CACNA2D1: variants seen among roughly 807,000 people sequenced by gnomAD.
The protein encoded by CACNA2D1 is calcium voltage-gated channel auxiliary subunit alpha2delta 1, also known as voltage-dependent calcium channel subunit alpha-2/delta-1.
Under a neutral mutation model 171.5 loss-of-function variants are expected in CACNA2D1, and 53 were observed. That is an observed-to-expected ratio of 0.31 (90% CI 0.25 to 0.39). CACNA2D1 has a LOEUF of 0.39. CACNA2D1 is among the 10% of genes least tolerant of loss of function. The pLI, the probability that CACNA2D1 is intolerant of heterozygous loss-of-function variation, is 1.00. For synonymous variants in CACNA2D1, 442 were observed against 443.1 expected, an observed-to-expected ratio of 1.00 and a Z score of 0.03; for missense variants, 903 against 1,299.8, an observed-to-expected ratio of 0.69 and a Z score of 4.69.
intron 3 of CACNA2D1, among the ~76,000 whole-genome samples, chr7:82,248,949 C>G (rs1001199007): frequency 6.6e-6 from 1 of 151,926 alleles, no homozygotes; most frequent in African/African-American, 2.4e-5. Flanking sequence ...AACCCTGTCT[C>G]TACTAAAAAT....
chr7:82,105,828 C>T (rs961490218), intron 6 of CACNA2D1, among the ~76,000 whole-genome samples: 4 of 152,082 alleles, frequency 2.6e-5, no homozygotes, highest in African/African-American at 4.8e-5. Flanking sequence ...GTGTCCATGA[C>T]GCCTACATGA....
chr7:82,314,851 G>A (rs1814913672), intron 3 of CACNA2D1, among the ~76,000 whole-genome samples: 1 of 151,972 alleles, frequency 6.6e-6, no homozygotes, highest in Non-Finnish European at 1.5e-5. Context: ...AAGCAGATAT[G>A]ACTGCTGTTA....
chr7:82,336,797 A>T (rs1162107018), intron 2 of CACNA2D1, among the ~76,000 whole-genome samples: 6 of 152,326 alleles, frequency 3.9e-5, no homozygotes, highest in Non-Finnish European at 7.4e-5. Flanking sequence ...TTGATCCAGG[A>T]TATGTAGTTC....
chr7:82,321,417 T>C (rs1275354031), intron 3 of CACNA2D1, among the ~76,000 whole-genome samples: 1 of 151,536 alleles, frequency 6.6e-6, no homozygotes, highest in African/African-American at 2.4e-5. Flanking sequence ...AATAAAATAA[T>C]AAAATAAAAT....
intron 4 of CACNA2D1, among the ~76,000 whole-genome samples, chr7:82,146,017 T>A (rs1217718907): frequency 6.6e-6 from 1 of 152,070 alleles, no homozygotes; most frequent in Admixed American, 6.6e-5. Flanking sequence ...TTAGTCTGCT[T>A]ATTTTTTCAG....
At chr7:81,981,690 T>A (rs1044074912) in intron 24 of CACNA2D1, among the ~76,000 whole-genome samples, 2 of 151,946 alleles carry the variant, frequency 1.3e-5, no homozygotes, top group African/African-American at 4.8e-5. Flanking sequence ...AGTCAAAAAC[T>A]GAGGAAAGAA....
intron 5 of CACNA2D1, among the ~76,000 whole-genome samples, chr7:82,118,019 T>C (rs564263847): frequency 6.6e-6 from 1 of 152,278 alleles, no homozygotes; most frequent in South Asian, 2.1e-4. Context: ...GTTTTTCAGG[T>C]ATATCAATTT....
chr7:82,274,727 C>T (rs1332611416), intron 3 of CACNA2D1, among the ~76,000 whole-genome samples: 1 of 152,136 alleles, frequency 6.6e-6, no homozygotes, highest in Non-Finnish European at 1.5e-5. Flanking sequence ...CACTTCCACA[C>T]TCAAAAGAAC....
At chr7:82,414,660 G>A (rs572116740) in intron 1 of CACNA2D1, among the ~76,000 whole-genome samples, 3 of 152,304 alleles carry the variant, frequency 2.0e-5, no homozygotes, top group African/African-American at 7.2e-5. Context: ...CAGGCTACAA[G>A]TGATTCTGAT....
At chr7:82,301,107 CT>C (rs1368372790) in intron 3 of CACNA2D1, among the ~76,000 whole-genome samples, 2 of 152,082 alleles carry the variant, frequency 1.3e-5, no homozygotes, top group East Asian at 1.9e-4. Flanking sequence ...GGTTTGCTAT[CT>C]TTTTTTAATT....
chr7:82,413,281 C>T (rs113016120), intron 1 of CACNA2D1, among the ~76,000 whole-genome samples: 7 of 152,152 alleles, frequency 4.6e-5, no homozygotes, highest in African/African-American at 1.7e-4. Context: ...TAATATTTAA[C>T]ATTTACCCAA....
intron 3 of CACNA2D1, among the ~76,000 whole-genome samples, chr7:82,256,372 T>C (rs1463229351): frequency 1.3e-5 from 2 of 152,176 alleles, no homozygotes; most frequent in African/African-American, 4.8e-5. Context: ...GTGGAATGAT[T>C]CCATTCAAGC....
chr7:82,177,348 A>C (rs1032494808), intron 3 of CACNA2D1, among the ~76,000 whole-genome samples: 1 of 152,048 alleles, frequency 6.6e-6, no homozygotes, highest in Non-Finnish European at 1.5e-5. Context: ...TATTTTTAAA[A>C]AATATGTAAA....
At chr7:81,973,122 G>A (rs551983325) in intron 25 of CACNA2D1, among the ~76,000 whole-genome samples, 1 of 151,940 alleles carries the variant, frequency 6.6e-6, no homozygotes, top group East Asian at 1.9e-4. Context: ...AAACATTTCT[G>A]ATAAACTCAT....
chr7:82,305,226 T>C (rs890087522), intron 3 of CACNA2D1, among the ~76,000 whole-genome samples: 7 of 152,162 alleles, frequency 4.6e-5, no homozygotes, highest in African/African-American at 1.7e-4. Context: ...TTCACAGGCA[T>C]ACAAAGTATT....
chr7:81,970,629 A>T (rs1224109886), intron 27 of CACNA2D1, 46 bp downstream of exon 27: 1 of 990,464 alleles, frequency 1.0e-6, no homozygotes. Context: ...TCCTTGGCGC[A>T]GTCTTTTGTA....
intron 37 of CACNA2D1, 80 bp from the exon 38 acceptor site, chr7:81,959,437 A>G (rs1793834018): frequency 1.0e-6 from 1 of 986,230 alleles, no homozygotes; most frequent in African/African-American, 1.6e-5. Context: ...GTATTTCCCA[A>G]AACATGTGAG....
At chr7:82,015,441 T>A (rs1411453221) in intron 12 of CACNA2D1, among the ~76,000 whole-genome samples, 1 of 152,186 alleles carries the variant, frequency 6.6e-6, no homozygotes, top group Non-Finnish European at 1.5e-5. Context: ...TGCAAATATT[T>A]TAAAATCAAT....
intron 3 of CACNA2D1, among the ~76,000 whole-genome samples, chr7:82,326,568 T>C (rs1816676857): frequency 6.6e-6 from 1 of 152,190 alleles, no homozygotes; most frequent in Non-Finnish European, 1.5e-5. Flanking sequence ...TAGCAGACAG[T>C]CAGTAAATGC....
Sources: gnomAD v4.1 joint callset for allele counts (sites outside exome capture counted in the v4.1 genomes callset) on GRCh38, gnomAD v4.1.1 for gene constraint, MANE v1.5 for transcripts, NCBI Gene and HGNC (gene_info 2026-07-23, HGNC 2026-07-21) for gene names.